The following ANAPC10 variants were observed in gnomAD, a reference collection of about 807,000 sequenced individuals.
ANAPC10 encodes anaphase promoting complex subunit 10.
A neutral mutation model predicts 22.0 loss-of-function variants in ANAPC10; 12 were observed. The observed-to-expected ratio is 0.55, with a 90% CI of 0.35 to 0.88. ANAPC10 has a LOEUF of 0.88. ANAPC10 is among the 40% of genes least tolerant of loss of function. The probability of loss-of-function intolerance (pLI) is 0.01; values close to 1 mark genes in which losing one functional copy is unlikely to be tolerated. For synonymous variants in ANAPC10, 65 were observed against 69.5 expected, an observed-to-expected ratio of 0.94 and a Z score of 0.32; for missense variants, 188 against 220.9, an observed-to-expected ratio of 0.85 and a Z score of 0.94.
chr4:145,005,960 T>C (rs1228397263), intron 4 of ANAPC10, among the ~76,000 whole-genome samples: 1 of 152,188 alleles, frequency 6.6e-6, no homozygotes, highest in African/African-American at 2.4e-5. Flanking sequence ...TCTGTAGATA[T>C]CTATTAGGCC....
At chr4:145,047,318 T>C (rs1740450086) in intron 4 of ANAPC10, among the ~76,000 whole-genome samples, 1 of 152,234 alleles carries the variant, frequency 6.6e-6, no homozygotes, top group South Asian at 2.1e-4. Flanking sequence ...AAAACCCAGA[T>C]TGCAGGTTAT....
At chr4:145,041,005 T>C (rs1013714035) in intron 4 of ANAPC10, among the ~76,000 whole-genome samples, 2 of 152,054 alleles carry the variant, frequency 1.3e-5, no homozygotes, top group African/African-American at 2.4e-5. Context: ...AAATCCAATA[T>C]ACACCTCCAG....
intron 4 of ANAPC10, among the ~76,000 whole-genome samples, chr4:145,022,208 C>G (rs1018648166): frequency 6.6e-6 from 1 of 152,042 alleles, no homozygotes; most frequent in Admixed American, 6.6e-5. Context: ...CTTGCACACA[C>G]GTTTATAGCA....
At chr4:145,069,556 T>C (rs1354004425) in intron 3 of ANAPC10, among the ~76,000 whole-genome samples, 6 of 152,176 alleles carry the variant, frequency 3.9e-5, no homozygotes, top group Admixed American at 6.5e-5. Flanking sequence ...TGGTAAGTCC[T>C]CTTCAAATAC....
intron 4 of ANAPC10, among the ~76,000 whole-genome samples, chr4:145,063,391 G>A (rs1013297244): frequency 4.6e-5 from 7 of 151,958 alleles, no homozygotes; most frequent in Non-Finnish European, 8.8e-5. Context: ...CAAGTTTTAC[G>A]AGAACAACAC....
In ANAPC10 at chr4:145,060,511, TTAC is replaced by T. The variant is rs1742723085; in HGVS notation, c.327+4058_327+4060del. Among the ~76,000 whole-genome samples the T allele has an allele frequency of 3.3e-5, 5 of 152,148 alleles. No homozygotes were observed. The South Asian group carries it at 1.0e-3, about 32-fold the overall frequency. ...TTCTCAACTTAGACTATTTTTTAAG[TTAC>T]TACTTCAAATCAACAATTACAAAAA... On this transcript the variant is annotated intron_variant, in intron 4 of 4. Transcript: ENST00000507656.
chr4:145,016,413 G>A (rs1409455640), intron 4 of ANAPC10, among the ~76,000 whole-genome samples: 2 of 152,094 alleles, frequency 1.3e-5, no homozygotes, highest in Non-Finnish European at 2.9e-5. Context: ...CAACTTACAA[G>A]GGATGTGAAG....
intron 3 of ANAPC10, among the ~76,000 whole-genome samples, chr4:145,079,611 A>C (rs1403613682): frequency 1.3e-5 from 2 of 152,240 alleles, no homozygotes; most frequent in African/African-American, 4.8e-5. Context: ...ACAATAGCAA[A>C]GACAAGGAAT....
In ANAPC10 at chr4:145,049,666, G is replaced by A. The variant is rs571209040; in HGVS notation, c.327+14906C>T. On this transcript the variant is annotated intron_variant, in intron 4 of 4. Transcript: ENST00000507656. ...ATGATCATGGCTCACTGGAACCGCC[G>A]CCACCTAGGCTTAAGCAATCCTCCC... Among the ~76,000 whole-genome samples the A allele has an allele frequency of 1.2e-4, 19 of 152,104 alleles. No individual in the cohort carries two copies. The East Asian group carries it at 1.7e-3, about 14-fold the overall frequency.
At chr4:145,026,987 ATTTTTTTTTTTTTTTTTTT>A (rs1186853327) in intron 4 of ANAPC10, among the ~76,000 whole-genome samples, 1 of 15,370 alleles carries the variant, frequency 6.5e-5, no homozygotes, top group African/African-American at 2.3e-4. Flanking sequence ...ATATATATAT[ATTTTTTTTTTTTTTTTTTT>A]TTTTTTTTTT....
chr4:145,085,050 G>T (rs1377631484), intron 2 of ANAPC10, among the ~76,000 whole-genome samples: 1 of 152,060 alleles, frequency 6.6e-6, no homozygotes, highest in Non-Finnish European at 1.5e-5. Flanking sequence ...ATTAGGTAAT[G>T]CAAGTTACAA....
At chr4:145,045,750 C>T (rs1740204476) in intron 4 of ANAPC10, among the ~76,000 whole-genome samples, 1 of 152,044 alleles carries the variant, frequency 6.6e-6, no homozygotes, top group African/African-American at 2.4e-5. Flanking sequence ...CACGTCAATA[C>T]TCCTGATTTC....
At chr4:145,092,881 T>G (rs1747898807) in intron 2 of ANAPC10, among the ~76,000 whole-genome samples, 1 of 152,004 alleles carries the variant, frequency 6.6e-6, no homozygotes, top group South Asian at 2.1e-4. Flanking sequence ...AAGAAAAAAC[T>G]CTCTATACCT....
At chr4:145,035,655 C>A (rs1357007062) in intron 4 of ANAPC10, among the ~76,000 whole-genome samples, 1 of 152,216 alleles carries the variant, frequency 6.6e-6, no homozygotes. Flanking sequence ...TCCAGTTCAT[C>A]TTCATGGGTT....
intron 4 of ANAPC10, among the ~76,000 whole-genome samples, chr4:145,022,296 T>G (rs1298559478): frequency 6.6e-6 from 1 of 152,114 alleles, no homozygotes; most frequent in South Asian, 2.1e-4. Context: ...AACTGTGGTA[T>G]GTATACCACA....
intron 4 of ANAPC10, among the ~76,000 whole-genome samples, chr4:145,031,190 G>A (rs1459740616): frequency 1.3e-5 from 2 of 152,100 alleles, no homozygotes; most frequent in Admixed American, 6.6e-5. Flanking sequence ...AATCTTATTC[G>A]AAGAGACCTT....
intron 3 of ANAPC10, among the ~76,000 whole-genome samples, chr4:145,072,019 CA>C (rs34425624): frequency 6.7e-6 from 1 of 149,568 alleles, no homozygotes; most frequent in African/African-American, 2.5e-5. Flanking sequence ...ACAAAAAAAA[CA>C]AAAAAAAACT....
At chr4:145,041,366 T>C (rs748884165) in intron 4 of ANAPC10, among the ~76,000 whole-genome samples, 6 of 152,246 alleles carry the variant, frequency 3.9e-5, no homozygotes, top group Non-Finnish European at 5.9e-5. Context: ...ATAATCATCA[T>C]TTTGAGAAAA....
At chr4:145,038,232 G>A (rs1738908584) in intron 4 of ANAPC10, among the ~76,000 whole-genome samples, 1 of 152,184 alleles carries the variant, frequency 6.6e-6, no homozygotes, top group Non-Finnish European at 1.5e-5. Flanking sequence ...GCTAACTAGG[G>A]CCGGGCATGG....
Sources: gnomAD v4.1 joint callset for allele counts (sites outside exome capture counted in the v4.1 genomes callset) on GRCh38, gnomAD v4.1.1 for gene constraint, MANE v1.5 for transcripts, NCBI Gene and HGNC (gene_info 2026-07-23, HGNC 2026-07-21) for gene names.